INTS6L: variants seen among roughly 807,000 people sequenced by gnomAD.
INTS6L encodes integrator complex subunit 6-like.
In INTS6L, 18 loss-of-function variants were observed where a neutral mutation model predicts 64.7. The ratio of observed to expected loss-of-function variants is 0.28; its 90% CI spans 0.19 to 0.41. INTS6L has a LOEUF of 0.41. Ranked by LOEUF, INTS6L falls within the 10% of genes least tolerant of loss-of-function variation. The pLI is 1.00. For synonymous variants in INTS6L, 227 were observed against 235.9 expected, an observed-to-expected ratio of 0.96 and a Z score of 0.34; for missense variants, 533 against 661.0, an observed-to-expected ratio of 0.81 and a Z score of 2.12.
chrX:135,546,477 T>A lies in INTS6L; in HGVS notation c.429+8T>A, dbSNP rs935719727. Reference sequence around the variant, plus strand: ...GCTGGTGTTCAAGAAGAGGTGAGATTTTATTTTTTTTTTAATTTTGTTTAA... The same window carrying A: ...GCTGGTGTTCAAGAAGAGGTGAGATATTATTTTTTTTTTAATTTTGTTTAA... On this transcript the variant is annotated splice_region_variant and intron_variant, in intron 4 of 17. Coordinates refer to ENST00000639893, the MANE Select transcript of INTS6L (RefSeq NM_001351601.3). 18 of 1,139,372 alleles carry A rather than the reference T, an allele frequency of 1.6e-5. No individual in the cohort carries two copies. The highest frequency in any genetic ancestry group is 3.0e-5 in the Admixed American group (1 of 33,512). 93.9% of individuals were successfully genotyped at this position (1,139,372 alleles called of 1,213,427 possible). A position where few individuals can be genotyped will look rare whatever the true frequency, so the allele number is the denominator to read the frequency against.
In INTS6L at chrX:135,579,664, G is replaced by A. The variant is rs782703934; in HGVS notation, c.2120-124G>A. The stretch of plus-strand genomic sequence containing the variant: ...GCCTCAATTTGAGGGGTCTCAGATC[G>A]CCACCTGGTATATCATCCTGCTTTA... On this transcript the variant is annotated intron_variant, in intron 15 of 17. Transcript: ENST00000639893. The A allele has an allele frequency of 3.1e-4, 305 of 978,087 alleles. 1 individual carries two copies. The highest frequency in any genetic ancestry group is 4.0e-4 in the Non-Finnish European group (290 of 732,888). The allele number at this position is 978,087 out of a possible 1,213,427, so 80.6% of individuals were successfully genotyped here.
intron 2 of INTS6L, among the ~76,000 whole-genome samples, chrX:135,543,885 C>T (rs989110638): frequency 8.9e-5 from 10 of 112,068 alleles, no homozygotes; most frequent in South Asian, 7.4e-4. Flanking sequence ...CCTATATTTC[C>T]AGTACTAAAA....
At chrX:135,526,470 G>A (rs1242811019) in intron 2 of INTS6L, among the ~76,000 whole-genome samples, 1 of 111,586 alleles carries the variant, frequency 9.0e-6, no homozygotes, top group East Asian at 2.8e-4. Flanking sequence ...TATGCCAGTT[G>A]CTTCTGTGCC....
At position 135,581,748 on chromosome X, in the gene INTS6L, A is replaced by G. The variant is rs376757213; in HGVS notation, c.*112A>G. On this transcript the variant is annotated 3_prime_UTR_variant, in exon 18 of 18. Coordinates refer to ENST00000639893, the MANE Select transcript of INTS6L (RefSeq NM_001351601.3). ...TCAAGGGAATTGCTTTCCAGATGCT[A>G]AGAAGCAGCAGTGGGGCTTTTGAAT... is the stretch of plus-strand genomic sequence containing the variant. The G allele has an allele frequency of 5.7e-5, 34 of 597,977 alleles. No individual in the cohort carries two copies. In the South Asian group the frequency reaches 9.1e-4, roughly 16 times the overall value. The allele number at this position is 597,977 out of a possible 1,213,427, so 49.3% of individuals were successfully genotyped here. A position where few individuals can be genotyped will look rare whatever the true frequency, so the allele number is the denominator to read the frequency against.
At chrX:135,550,440 T>C in intron 7 of INTS6L, among the ~76,000 whole-genome samples, 1 of 107,638 alleles carries the variant, frequency 9.3e-6, no homozygotes, top group African/African-American at 3.4e-5. Flanking sequence ...CTTTTTTTTT[T>C]TTTTTTGGAG....
At chrX:135,529,774 A>G (rs2085854978) in intron 2 of INTS6L, among the ~76,000 whole-genome samples, 1 of 112,473 alleles carries the variant, frequency 8.9e-6, no homozygotes, top group Non-Finnish European at 1.9e-5. Flanking sequence ...CAATCACGAA[A>G]TAGCCTTCAA....
chrX:135,572,687 T>C, intron 11 of INTS6L, 128 bp from the exon 12 acceptor site: 1 of 539,459 alleles, frequency 1.9e-6, no homozygotes, highest in Non-Finnish European at 2.9e-6. Context: ...TGTTTAATTA[T>C]CCATTTTTCT....
At chrX:135,574,901 G>A (rs1011009359) in intron 13 of INTS6L, among the ~76,000 whole-genome samples, 183 bp from the exon 14 acceptor site, 5 of 112,105 alleles carry the variant, frequency 4.5e-5, no homozygotes, top group African/African-American at 6.5e-5. Context: ...CAGTAGTAAC[G>A]GTAGACTAAG....
intron 2 of INTS6L, among the ~76,000 whole-genome samples, chrX:135,533,542 TCC>T (rs1556506513): frequency 1.8e-4 from 20 of 111,025 alleles, no homozygotes; most frequent in Non-Finnish European, 1.9e-5. Flanking sequence ...CCTGATGCTC[TCC>T]CTTCCCCCAC....
intron 15 of INTS6L, among the ~76,000 whole-genome samples, chrX:135,578,779 T>C (rs1434398708): frequency 8.9e-6 from 1 of 111,774 alleles, no homozygotes; most frequent in Non-Finnish European, 1.9e-5. Context: ...ACCACACTAC[T>C]ACAATACCTT....
intron 7 of INTS6L, among the ~76,000 whole-genome samples, chrX:135,550,071 G>A (rs1454679440): frequency 8.9e-6 from 1 of 112,114 alleles, no homozygotes; most frequent in African/African-American, 3.2e-5. Flanking sequence ...TGCTGTTTTT[G>A]ATGCTGTTAT....
chrX:135,555,035 G>A (rs921929750), intron 8 of INTS6L, among the ~76,000 whole-genome samples: 1 of 108,644 alleles, frequency 9.2e-6, no homozygotes, highest in African/African-American at 3.4e-5. Flanking sequence ...GATTACAGGC[G>A]CACCACTATG....
At chrX:135,560,108 G>A (rs1349831213) in intron 9 of INTS6L, among the ~76,000 whole-genome samples, 7 of 112,108 alleles carry the variant, frequency 6.2e-5, no homozygotes, top group Non-Finnish European at 1.3e-4. Flanking sequence ...TTGGTGTTAC[G>A]CAGTTTTCCA....
At chrX:135,542,427 G>A (rs923402871) in intron 2 of INTS6L, among the ~76,000 whole-genome samples, 2 of 110,103 alleles carry the variant, frequency 1.8e-5, no homozygotes, top group African/African-American at 6.6e-5. Flanking sequence ...GAACCTGGGA[G>A]GTGGAGGTTG....
At chrX:135,558,300 T>C (rs2086693113) in intron 9 of INTS6L, among the ~76,000 whole-genome samples, 1 of 111,878 alleles carries the variant, frequency 8.9e-6, no homozygotes. Context: ...CATTTCTGAG[T>C]ATATATCCAA....
At chrX:135,559,176 A>G (rs1391367208) in intron 9 of INTS6L, among the ~76,000 whole-genome samples, 2 of 111,845 alleles carry the variant, frequency 1.8e-5, no homozygotes, top group African/African-American at 6.5e-5. Context: ...AAGTCTTGCA[A>G]AACTACAGTA....
intron 9 of INTS6L, among the ~76,000 whole-genome samples, chrX:135,560,402 T>G (rs2086757249): frequency 8.9e-6 from 1 of 112,474 alleles, no homozygotes. Context: ...GTTTTTTCTT[T>G]TCTTTTCTTG....
intron 9 of INTS6L, among the ~76,000 whole-genome samples, chrX:135,557,273 T>C (rs2086668195): frequency 8.9e-6 from 1 of 111,888 alleles, no homozygotes; most frequent in South Asian, 3.7e-4. Flanking sequence ...TATTTATCCC[T>C]TTTCTTAAAT....
intron 13 of INTS6L, among the ~76,000 whole-genome samples, chrX:135,574,866 G>C (rs2087179860): frequency 8.9e-6 from 1 of 112,070 alleles, no homozygotes; most frequent in Non-Finnish European, 1.9e-5. Flanking sequence ...GAGTTGTTCT[G>C]ATCCTAGCGA....
Sources: gnomAD v4.1 joint callset for allele counts (sites outside exome capture counted in the v4.1 genomes callset) on GRCh38, gnomAD v4.1.1 for gene constraint, MANE v1.5 for transcripts, NCBI Gene and HGNC (gene_info 2026-07-23, HGNC 2026-07-21) for gene names.